SLC12A6: variants seen among roughly 807,000 people sequenced by gnomAD.
SLC12A6 encodes K-Cl cotransporter 3.
Under a neutral mutation model 135.3 loss-of-function variants are expected in SLC12A6, and 66 were observed. The ratio of observed to expected loss-of-function variants is 0.49; its 90% CI spans 0.40 to 0.60. SLC12A6 has a LOEUF of 0.60. Ranked by LOEUF, SLC12A6 falls within the 20% of genes least tolerant of loss-of-function variation. The probability of loss-of-function intolerance (pLI) is 0.00; values close to 1 mark genes in which losing one functional copy is unlikely to be tolerated. For synonymous variants in SLC12A6, 513 were observed against 508.8 expected (o/e 1.01, Z -0.11); for missense variants, 1,058 against 1,452.3 (o/e 0.73, Z 4.41).
At chr15:34,331,909 T>C (rs1325289268) in intron 2 of SLC12A6, among the ~76,000 whole-genome samples, 1 of 152,120 alleles carries the variant, frequency 6.6e-6, no homozygotes, top group African/African-American at 2.4e-5. Context: ...TTGTTACACT[T>C]AGACCTCAAC....
At chr15:34,313,948 GAAAA>G (rs539393779) in intron 2 of SLC12A6, among the ~76,000 whole-genome samples, 1 of 82,138 alleles carries the variant, frequency 1.2e-5, no homozygotes. Flanking sequence ...TCTTAAAAAC[GAAAA>G]AAAAAAAAAA....
At chr15:34,259,217 G>A (rs111378280) in intron 4 of SLC12A6, among the ~76,000 whole-genome samples, 1,816 of 152,172 alleles carry the variant, frequency 0.012, 15 homozygotes, top group Middle Eastern at 0.037. Flanking sequence ...GCACGTGCCT[G>A]TAATCCCAGC....
In SLC12A6 at chr15:34,250,890, T is replaced by C. The variant is rs1566811997; in HGVS notation, c.1492+9A>G. The C allele has an allele frequency of 1.2e-6, 2 of 1,605,702 alleles. No individual in the cohort carries two copies. Among genetic ancestry groups the C allele is most frequent in the Non-Finnish European group, 8.5e-7 (1 of 1,172,322 alleles). On this transcript the variant is annotated intron_variant, in intron 11 of 25. Transcript: ENST00000354181. ...AGCTTCTAAAATATACAACAGCCTA[T>C]GTGTTTACCTGTAACAGAGGGAAAG...
intron 5 of SLC12A6, among the ~76,000 whole-genome samples, chr15:34,258,003 T>TAGAA (rs1205220422): frequency 1.3e-4 from 3 of 23,776 alleles, no homozygotes; most frequent in South Asian, 0.048. Context: ...ATTTTAACTT[T>TAGAA]ACAAAGGTTC....
intron 3 of SLC12A6, among the ~76,000 whole-genome samples, chr15:34,268,303 G>A (rs766899910): frequency 3.9e-5 from 6 of 152,024 alleles, no homozygotes; most frequent in Non-Finnish European, 8.8e-5. Flanking sequence ...ACTTTTTTTA[G>A]AAAGGTAGAA....
At chr15:34,292,228 T>C (rs1222268529) in intron 2 of SLC12A6, among the ~76,000 whole-genome samples, 1 of 152,226 alleles carries the variant, frequency 6.6e-6, no homozygotes, top group African/African-American at 2.4e-5. Flanking sequence ...CTAGTTTTCC[T>C]TCTAACAGAC....
At chr15:34,283,170 C>G (rs1894799592) in intron 2 of SLC12A6, among the ~76,000 whole-genome samples, 1 of 151,938 alleles carries the variant, frequency 6.6e-6, no homozygotes, top group South Asian at 2.1e-4. Flanking sequence ...TGGTGAAACC[C>G]CATCTCAACT....
chr15:34,241,272 A>G lies in SLC12A6; in HGVS notation c.2228T>C (p.Leu743Pro). 1 of 1,610,608 alleles carries G rather than the reference A, an allele frequency of 6.2e-7. No homozygotes were observed. Among genetic ancestry groups the G allele is most frequent in the Non-Finnish European group, 8.5e-7 (1 of 1,176,756 alleles). ...LSLSAARFAL[L>P]RLEEGPPHTK... ...GTGTGGAGGTCCTTCCTCCAATCGA[A>G]GCAAAGCAAACCGGGCTGCACTGAG... The change falls in exon 18 of 26, where the codon CTT (leucine) becomes CCT (proline). Residue 743 changes from leucine (L) to proline (P), a missense_variant. Physicochemically the swap from Leu to Pro is moderately conservative, Grantham distance 98 (BLOSUM62 -3). Coordinates refer to ENST00000354181, the MANE Select transcript of SLC12A6 (RefSeq NM_001365088.1).
At chr15:34,247,346 T>A (rs1057304446) in intron 13 of SLC12A6, among the ~76,000 whole-genome samples, 9 of 151,724 alleles carry the variant, frequency 5.9e-5, no homozygotes, top group African/African-American at 2.2e-4. Context: ...TGAAACCCCA[T>A]CTCTACTAAA....
intron 2 of SLC12A6, among the ~76,000 whole-genome samples, chr15:34,286,290 G>A (rs1269711017): frequency 6.6e-6 from 1 of 151,378 alleles, no homozygotes; most frequent in African/African-American, 2.4e-5. Flanking sequence ...TGTCCAGGCT[G>A]GCCTCAAACT....
intron 2 of SLC12A6, among the ~76,000 whole-genome samples, chr15:34,326,818 A>G (rs555361288): frequency 6.8e-6 from 1 of 146,128 alleles, no homozygotes; most frequent in South Asian, 2.2e-4. Flanking sequence ...CAGCCTCCCA[A>G]GTAGCTGGGA....
At chr15:34,284,099 G>T (rs898993138) in intron 2 of SLC12A6, among the ~76,000 whole-genome samples, 1 of 151,836 alleles carries the variant, frequency 6.6e-6, no homozygotes, top group Admixed American at 6.6e-5. Context: ...GATTGTAGGG[G>T]AGACCAAGAA....
chr15:34,302,566 G>A lies in SLC12A6; in HGVS notation c.272-27177C>T, dbSNP rs1400577316. 4.6e-5 allele frequency among the ~76,000 whole-genome samples: 7 copies of A among 152,226 alleles called. No individual in the cohort carries two copies. In the East Asian group the frequency reaches 1.3e-3, roughly 29 times the overall value. ...AAAAATTAGCCAGGTGTGGTGGCGG[G>A]AGCCTGTAATCCCAGCTACTCGGGA... On this transcript the variant is annotated intron_variant, in intron 2 of 25. Coordinates refer to ENST00000354181, the MANE Select transcript of SLC12A6 (RefSeq NM_001365088.1).
chr15:34,285,718 C>CACACACACACACACATACAT (rs1555385547), intron 2 of SLC12A6, among the ~76,000 whole-genome samples: 1 of 66,066 alleles, frequency 1.5e-5, no homozygotes, highest in Admixed American at 1.9e-4. Flanking sequence ...GTGTGTTTGT[C>CACACACACACACACATACAT]ATACATAAAA....
In SLC12A6 at chr15:34,229,803, C is replaced by A; in HGVS notation, c.*4078G>T. ...TGCTTTTGTGAACATGAGAAAGCAG[C>A]GCCTGGTCCCTATGTATTTGGGTCT... On this transcript the variant is annotated 3_prime_UTR_variant, in exon 26 of 26. Coordinates refer to ENST00000354181, the MANE Select transcript of SLC12A6 (RefSeq NM_001365088.1). The A allele has an allele frequency of 1.2e-6, 2 of 1,612,118 alleles. No homozygotes were observed. The highest frequency in any genetic ancestry group is 1.3e-5 in the African/African-American group (1 of 74,982).
At chr15:34,332,174 T>C (rs1889891840) in intron 2 of SLC12A6, among the ~76,000 whole-genome samples, 2 of 152,254 alleles carry the variant, frequency 1.3e-5, no homozygotes, top group African/African-American at 4.8e-5. Flanking sequence ...CATTATAATT[T>C]ATATACAAAT....
rs1044034961 is a variant in SLC12A6, at chr15:34,233,359, G to C, written c.*522C>G. 1 of 161,996 alleles carries C rather than the reference G, an allele frequency of 6.2e-6. No individual in the cohort carries two copies. The highest frequency in any genetic ancestry group is 2.4e-5 in the African/African-American group (1 of 41,496). The allele number at this position is 161,996 out of a possible 1,614,324, so 10.0% of individuals were successfully genotyped here. On this transcript the variant is annotated 3_prime_UTR_variant, in exon 26 of 26. Transcript: ENST00000354181. ...ATCCTAATATAAAATTACAGCAGTG[G>C]GTATACTAAAGAAATATAGCTAAAA...
At position 34,229,834 on chromosome 15, in the gene SLC12A6, AC is replaced by A; in HGVS notation, c.*4046del. 6.2e-7 allele frequency: 1 copy of A among 1,602,718 alleles called. No homozygotes were observed. The highest frequency in any genetic ancestry group is 1.1e-5 in the South Asian group (1 of 90,830). ...GTCCCTATGTATTTGGGTCTTATTT[AC>A]ATCCTTCTTTAAGCCCAGTGGCTCC... On this transcript the variant is annotated 3_prime_UTR_variant, in exon 26 of 26. Transcript: ENST00000354181.
intron 2 of SLC12A6, among the ~76,000 whole-genome samples, chr15:34,322,853 C>T (rs1394806481): frequency 6.6e-6 from 1 of 151,490 alleles, no homozygotes; most frequent in East Asian, 1.9e-4. Context: ...TGGTGAGCGC[C>T]TGTAACCCCA....
Sources: gnomAD v4.1 joint callset for allele counts (sites outside exome capture counted in the v4.1 genomes callset) on GRCh38, gnomAD v4.1.1 for gene constraint, MANE v1.5 for transcripts, NCBI Gene and HGNC (gene_info 2026-07-23, HGNC 2026-07-21) for gene names.